The following CASZ1 variants were observed in gnomAD, a reference collection of about 807,000 sequenced individuals.
The protein encoded by CASZ1 is zinc finger protein castor homolog 1.
A neutral mutation model predicts 135.2 loss-of-function variants in CASZ1; 28 were observed. The ratio of observed to expected loss-of-function variants is 0.21; its 90% CI spans 0.15 to 0.28. The LOEUF (loss-of-function observed/expected upper bound fraction) is 0.28. CASZ1 is among the 10% of genes least tolerant of loss of function. CASZ1 has a pLI of 1.00. For synonymous variants in CASZ1, 1,068 were observed against 1,073.4 expected (o/e 0.99, Z 0.10); for missense variants, 2,161 against 2,453.3 (o/e 0.88, Z 2.52).
chr1:10,771,156 G>A (rs1027253380), intron 1 of CASZ1, among the ~76,000 whole-genome samples: 13 of 152,034 alleles, frequency 8.6e-5, no homozygotes, highest in African/African-American at 2.2e-4. Context: ...TCTCCATAGC[G>A]CCAAGCTGGG....
intron 2 of CASZ1, among the ~76,000 whole-genome samples, chr1:10,716,489 G>A (rs1338059048): frequency 2.0e-5 from 3 of 152,256 alleles, no homozygotes; most frequent in African/African-American, 4.8e-5. Flanking sequence ...AGAGGGAGAC[G>A]TATGGACCAT....
Position 10,660,408 on chromosome 1 carries a change from C to A in CASZ1, c.634G>T (p.Gly212Cys), listed in dbSNP as rs765590910. ...RKISFEKLHA[G>C]STPEAATSSM... The stretch of plus-strand genomic sequence containing the variant: ...GAGGTGGCTGCCTCCGGGGTGGAGC[C>A]CGCGTGCAGCTTCTCAAAGCTGATC... Residue 212 changes from glycine to cysteine, a missense_variant, in exon 6 of 21, where the codon GGC (glycine) becomes TGC (cysteine). By Grantham distance (159) the Gly-to-Cys change is radical. Coordinates refer to ENST00000377022, the MANE Select transcript of CASZ1 (RefSeq NM_001079843.3). 1 of 1,614,172 alleles carries A rather than the reference C, an allele frequency of 6.2e-7. No individual in the cohort carries two copies. The highest frequency in any genetic ancestry group is 8.5e-7 in the Non-Finnish European group (1 of 1,180,008).
At chr1:10,664,679 C>T (rs1265964263) in intron 5 of CASZ1, among the ~76,000 whole-genome samples, 1 of 152,012 alleles carries the variant, frequency 6.6e-6, no homozygotes, top group African/African-American at 2.4e-5. Flanking sequence ...TGCCGTTGAC[C>T]GCTGCGCCCC....
rs1642017293 is a variant in CASZ1 at position 10,637,101 on chromosome 1, G to C, written c.*1841C>G. The C allele has an allele frequency of 6.6e-6, 1 of 152,166 alleles. No individual in the cohort carries two copies. Among genetic ancestry groups the C allele is most frequent in the South Asian group, 2.1e-4 (1 of 4,812 alleles). The allele number at this position is 152,166 out of a possible 1,614,324, so 9.4% of individuals were successfully genotyped here. A position where few individuals can be genotyped will look rare whatever the true frequency, so the allele number is the denominator to read the frequency against. ...ACAAAAGGCTAGACTCCGCACTGTC[G>C]GCATCTTCTTCTTTTCTTCTTTTTT... On this transcript the variant is annotated 3_prime_UTR_variant, in exon 21 of 21. Transcript: ENST00000377022.
In CASZ1 at chr1:10,646,391, C is replaced by T; in HGVS notation, c.3498-65G>A. 1 of 1,525,892 alleles carries T rather than the reference C, an allele frequency of 6.6e-7. No homozygotes were observed. The highest frequency in any genetic ancestry group is 9.0e-7 in the Non-Finnish European group (1 of 1,110,290). The allele number at this position is 1,525,892 out of a possible 1,614,324, so 94.5% of individuals were successfully genotyped here. A position where few individuals can be genotyped will look rare whatever the true frequency, so the allele number is the denominator to read the frequency against. On this transcript the variant is annotated intron_variant, in intron 16 of 20. Coordinates refer to ENST00000377022, the MANE Select transcript of CASZ1 (RefSeq NM_001079843.3). The surrounding 1 kb of genome is among the most constrained non-coding windows in gnomAD (Gnocchi z 6.4). ...CAAGCCCTCCCTGCTGGTGTCCTGACTTCACTTGTGTTGGAGTTCACTCCC... is the reference window on the plus strand; with the variant it reads ...CAAGCCCTCCCTGCTGGTGTCCTGATTTCACTTGTGTTGGAGTTCACTCCC...
rs376161349 is a variant in CASZ1 at position 10,739,360 on chromosome 1, G to A, written c.-77+21341C>T. Among the ~76,000 whole-genome samples, 5 of 152,116 alleles carry A rather than the reference G, an allele frequency of 3.3e-5. No individual in the cohort carries two copies. In the South Asian group the frequency reaches 1.0e-3, roughly 31 times the overall value. ...CACCGCGAGGGAAACCCTCCCAGGG[G>A]CCCGGGCCCAGGGTGGCCACGGTGA... is the stretch of plus-strand genomic sequence containing the variant. On this transcript the variant is annotated intron_variant, in intron 2 of 20. Transcript: ENST00000377022. This position sits in a 1 kb window ranked among gnomAD's most constrained non-coding sequence, Gnocchi z 4.8.
At chr1:10,675,895 C>A (rs1396257184) in intron 4 of CASZ1, among the ~76,000 whole-genome samples, 1 of 147,688 alleles carries the variant, frequency 6.8e-6, no homozygotes, top group Non-Finnish European at 1.5e-5. Flanking sequence ...AGGGAGCTGG[C>A]CTGGCAGGCC....
rs78339406 is a variant in CASZ1, at chr1:10,776,497, C to A, written c.-233-15640G>T. Among the ~76,000 whole-genome samples the A allele has an allele frequency of 2.1e-3, 324 of 152,362 alleles. 8 individuals carry two copies. The highest frequency in any genetic ancestry group is 0.016 in the Admixed American group (247 of 15,306). ...TGTCTCACGTCTTGGCCTCTCAGTA[C>A]TCGGCAAGTTCACACCAGAGGGCTC... is the stretch of plus-strand genomic sequence containing the variant. On this transcript the variant is annotated intron_variant, in intron 1 of 20. Coordinates refer to ENST00000377022, the MANE Select transcript of CASZ1 (RefSeq NM_001079843.3). The surrounding 1 kb of genome is among the most constrained non-coding windows in gnomAD (Gnocchi z 4.1).
chr1:10,677,179 T>A (rs915529131), intron 4 of CASZ1, among the ~76,000 whole-genome samples: 16 of 151,900 alleles, frequency 1.1e-4, no homozygotes, highest in Admixed American at 3.3e-4. Flanking sequence ...CTCCCAAGCC[T>A]CCAGCCGCTC....
intron 18 of CASZ1, 76 bp downstream of exon 18, chr1:10,644,841 G>C: frequency 6.8e-7 from 1 of 1,467,736 alleles, no homozygotes; most frequent in Non-Finnish European, 9.2e-7. Flanking sequence ...GGTACCAGGA[G>C]AGGCGGCCCA....
At chr1:10,733,548 C>T (rs1008142029) in intron 2 of CASZ1, among the ~76,000 whole-genome samples, 4 of 152,164 alleles carry the variant, frequency 2.6e-5, no homozygotes, top group Admixed American at 6.5e-5. Context: ...CTCACTGGTC[C>T]CTGCTCTCAG....
intron 1 of CASZ1, among the ~76,000 whole-genome samples, chr1:10,780,798 A>AATG (rs1211828298): frequency 6.6e-6 from 1 of 152,170 alleles, no homozygotes; most frequent in Non-Finnish European, 1.5e-5. Context: ...GAGCTGAGTG[A>AATG]ACTCAGGTAA....
intron 4 of CASZ1, among the ~76,000 whole-genome samples, chr1:10,678,928 CAT>C (rs988090518): frequency 2.3e-4 from 35 of 152,318 alleles, no homozygotes; most frequent in African/African-American, 7.2e-4. Flanking sequence ...TCTTCATTTC[CAT>C]ATAGAAAAGA....
rs1640900120 is a variant in CASZ1, at chr1:10,788,602, G to C, written c.-234+7962C>G. 6.6e-6 allele frequency among the ~76,000 whole-genome samples: 1 copy of C among 152,208 alleles called. No homozygotes were observed. Among genetic ancestry groups the C allele is most frequent in the African/African-American group, 2.4e-5 (1 of 41,458 alleles). ...AGAGACTGCCCGCCGTCAAACCAAG[G>C]CTCAGCAGTGCCTCACACCCAGGTG... On this transcript the variant is annotated intron_variant, in intron 1 of 20. Transcript: ENST00000377022. This position sits in a 1 kb window ranked among gnomAD's most constrained non-coding sequence, Gnocchi z 4.1.
At chr1:10,718,510 C>T (rs182049517) in intron 2 of CASZ1, among the ~76,000 whole-genome samples, 19 of 152,362 alleles carry the variant, frequency 1.2e-4, no homozygotes, top group South Asian at 2.1e-4. Flanking sequence ...AAGGAGGGCA[C>T]GCCAGGCTCC....
intron 2 of CASZ1, among the ~76,000 whole-genome samples, chr1:10,734,409 A>G (rs1259191136): frequency 6.6e-6 from 1 of 152,202 alleles, no homozygotes; most frequent in Admixed American, 6.5e-5. Flanking sequence ...AAAACTCATA[A>G]TAAACATCTC....
chr1:10,703,764 C>T (rs538909560), intron 3 of CASZ1, among the ~76,000 whole-genome samples: 1 of 152,202 alleles, frequency 6.6e-6, no homozygotes, highest in African/African-American at 2.4e-5. Flanking sequence ...AAATCATTAA[C>T]CTTTTAGGCT....
chr1:10,665,608 T>C, intron 4 of CASZ1, 37 bp from the exon 5 acceptor site: 2 of 1,501,174 alleles, frequency 1.3e-6, no homozygotes, highest in Non-Finnish European at 1.8e-6. Flanking sequence ...GTCAGAGGCG[T>C]GCAAGGCCAA....
rs1410782440 is a variant in CASZ1 at position 10,788,789 on chromosome 1, C to A, written c.-234+7775G>T. Among the ~76,000 whole-genome samples, 1 of 152,218 alleles carries A rather than the reference C, an allele frequency of 6.6e-6. No homozygotes were observed. Among genetic ancestry groups the A allele is most frequent in the Non-Finnish European group, 1.5e-5 (1 of 68,032 alleles). ...GCTGGCCCGGGAGCTGTGCCATGCCCTGGGCCAGCGCCCTCCCTCCTGTGT... is the reference window on the plus strand; with the variant it reads ...GCTGGCCCGGGAGCTGTGCCATGCCATGGGCCAGCGCCCTCCCTCCTGTGT... On this transcript the variant is annotated intron_variant, in intron 1 of 20. Transcript: ENST00000377022. This position sits in a 1 kb window ranked among gnomAD's most constrained non-coding sequence, Gnocchi z 4.1.
Sources: allele counts gnomAD v4.1 joint callset (sites outside exome capture counted in the v4.1 genomes callset), GRCh38; gene constraint gnomAD v4.1.1; non-coding constraint Gnocchi (gnomAD v3.1); transcripts MANE v1.5; gene names NCBI Gene and HGNC (gene_info 2026-07-23, HGNC 2026-07-21).